ATRNL1: variants seen among roughly 807,000 people sequenced by gnomAD.
ATRNL1 encodes attractin-like protein 1.
A neutral mutation model predicts 182.7 loss-of-function variants in ATRNL1; 95 were observed. That is an observed-to-expected ratio of 0.52 (90% CI 0.44 to 0.62). The LOEUF (loss-of-function observed/expected upper bound fraction) is 0.62. Among genes scored for constraint, ATRNL1 ranks in the 20% least tolerant of loss-of-function variants. ATRNL1 has a pLI of 0.00. For synonymous variants in ATRNL1, 576 were observed against 568.3 expected (o/e 1.01, Z -0.19); for missense variants, 1,471 against 1,679.5 (o/e 0.88, Z 2.17).
At chr10:115,266,678 C>T (rs1223536182) in intron 11 of ATRNL1, 119 bp from the exon 12 acceptor site, 3 of 560,744 alleles carry the variant, frequency 5.4e-6, no homozygotes, top group Non-Finnish European at 9.3e-6. Flanking sequence ...ACAGTACTAA[C>T]AGAAGTACTT....
intron 27 of ATRNL1, among the ~76,000 whole-genome samples, chr10:115,765,429 T>C (rs782807786): frequency 3.3e-5 from 5 of 152,236 alleles, no homozygotes; most frequent in Non-Finnish European, 5.9e-5. Flanking sequence ...GAACATCATC[T>C]CATATGCTTC....
At chr10:115,581,654 G>C (rs17093324) in intron 26 of ATRNL1, among the ~76,000 whole-genome samples, 2,964 of 152,106 alleles carry the variant, frequency 0.019, 65 homozygotes, top group East Asian at 0.12. Context: ...ATAATAATCA[G>C]ATATAAGTCA....
At chr10:115,828,215 G>T (rs1371299344) in intron 27 of ATRNL1, among the ~76,000 whole-genome samples, 4 of 152,132 alleles carry the variant, frequency 2.6e-5, no homozygotes, top group African/African-American at 7.2e-5. Flanking sequence ...TACTCAGGAG[G>T]CTGAGGCAGG....
At chr10:115,227,341 A>G (rs1374038741) in intron 9 of ATRNL1, among the ~76,000 whole-genome samples, 6 of 152,160 alleles carry the variant, frequency 3.9e-5, no homozygotes, top group Admixed American at 3.9e-4. Flanking sequence ...TAATCATTAG[A>G]GAAATGCAAA....
intron 21 of ATRNL1, among the ~76,000 whole-genome samples, chr10:115,442,289 C>T (rs1360207978): frequency 8.0e-6 from 1 of 125,742 alleles, no homozygotes; most frequent in East Asian, 2.0e-4. Context: ...CTCTCTCTCT[C>T]TCTCTCTCTC....
intron 21 of ATRNL1, among the ~76,000 whole-genome samples, chr10:115,433,808 G>A (rs964045580): frequency 3.3e-5 from 5 of 152,078 alleles, no homozygotes; most frequent in Non-Finnish European, 7.4e-5. Flanking sequence ...TACAATAAAA[G>A]TGTTACATTA....
intron 9 of ATRNL1, among the ~76,000 whole-genome samples, chr10:115,221,566 T>C (rs1554897445): frequency 1.3e-5 from 2 of 152,280 alleles, no homozygotes; most frequent in African/African-American, 4.8e-5. Flanking sequence ...GTCAGAGATT[T>C]AGGAGAGGTA....
intron 28 of ATRNL1, among the ~76,000 whole-genome samples, chr10:115,923,242 A>G (rs957415258): frequency 7.2e-5 from 11 of 152,188 alleles, no homozygotes; most frequent in Non-Finnish European, 1.6e-4. Flanking sequence ...CAAAACATGT[A>G]TGTATATATG....
At chr10:115,790,857 T>C (rs1472364596) in intron 27 of ATRNL1, among the ~76,000 whole-genome samples, 1 of 152,210 alleles carries the variant, frequency 6.6e-6, no homozygotes, top group African/African-American at 2.4e-5. Context: ...AAGCTTCACA[T>C]AGATGTTCGT....
At chr10:115,696,000 G>A (rs1593081259) in intron 26 of ATRNL1, among the ~76,000 whole-genome samples, 5 of 151,702 alleles carry the variant, frequency 3.3e-5, no homozygotes, top group Admixed American at 6.6e-5. Flanking sequence ...CCAGGTTCAC[G>A]CCATTCTCCT....
intron 18 of ATRNL1, among the ~76,000 whole-genome samples, chr10:115,328,320 T>C (rs1313176528): frequency 6.6e-6 from 1 of 152,108 alleles, no homozygotes; most frequent in Admixed American, 6.6e-5. Flanking sequence ...AATATGCACA[T>C]GTTTCACACG....
At chr10:115,713,443 C>CTGTG (rs140348673) in intron 26 of ATRNL1, among the ~76,000 whole-genome samples, 5 of 117,806 alleles carry the variant, frequency 4.2e-5, no homozygotes, top group African/African-American at 1.5e-4. Context: ...GGGAAAGTGG[C>CTGTG]TGTGTGTGTG....
intron 28 of ATRNL1, among the ~76,000 whole-genome samples, chr10:115,919,961 CAT>C (rs1555118314): frequency 6.6e-6 from 1 of 152,148 alleles, no homozygotes. Flanking sequence ...CTACTAATAT[CAT>C]CACATTGTGG....
chr10:115,697,406 G>A (rs1946597943), intron 26 of ATRNL1, among the ~76,000 whole-genome samples: 1 of 152,032 alleles, frequency 6.6e-6, no homozygotes, highest in African/African-American at 2.4e-5. Flanking sequence ...GCTCACTGCA[G>A]CCTCCACCTT....
At chr10:115,897,874 C>T (rs1952248412) in intron 28 of ATRNL1, among the ~76,000 whole-genome samples, 1 of 151,924 alleles carries the variant, frequency 6.6e-6, no homozygotes, top group Non-Finnish European at 1.5e-5. Context: ...TTAGTCGTAA[C>T]TTGCATTTCT....
intron 8 of ATRNL1, among the ~76,000 whole-genome samples, chr10:115,200,819 G>C (rs1554892166): frequency 6.8e-6 from 1 of 146,744 alleles, no homozygotes; most frequent in African/African-American, 2.5e-5. Context: ...TTCCACAATG[G>C]TTGAACTAGT....
chr10:115,376,587 G>A (rs1429103290), intron 19 of ATRNL1, among the ~76,000 whole-genome samples: 1 of 152,080 alleles, frequency 6.6e-6, no homozygotes, highest in Non-Finnish European at 1.5e-5. Context: ...TTGAACTCCT[G>A]GTCTCAAGTG....
chr10:115,314,727 A>G (rs1183986278), intron 17 of ATRNL1, among the ~76,000 whole-genome samples: 1 of 152,244 alleles, frequency 6.6e-6, no homozygotes, highest in African/African-American at 2.4e-5. Flanking sequence ...GTGTTTGACT[A>G]TAATGTCTGC....
At chr10:115,623,591 CA>C (rs1198544617) in intron 26 of ATRNL1, among the ~76,000 whole-genome samples, 2 of 151,468 alleles carry the variant, frequency 1.3e-5, no homozygotes, top group Non-Finnish European at 1.5e-5. Context: ...TTAAGAACTA[CA>C]AAAAAACCAA....
Sources: allele counts gnomAD v4.1 joint callset (sites outside exome capture counted in the v4.1 genomes callset), GRCh38; gene constraint gnomAD v4.1.1; transcripts MANE v1.5; gene names NCBI Gene and HGNC (gene_info 2026-07-23, HGNC 2026-07-21).